LRP1B: variants seen among roughly 807,000 people sequenced by gnomAD.
LRP1B encodes low-density lipoprotein receptor-related protein 1B.
Under a neutral mutation model 556.6 loss-of-function variants are expected in LRP1B, and 217 were observed. The observed-to-expected ratio is 0.39, with a 90% CI of 0.35 to 0.44. The LOEUF (loss-of-function observed/expected upper bound fraction) is 0.44. Ranked by LOEUF, LRP1B falls within the 20% of genes least tolerant of loss-of-function variation. LRP1B has a pLI of 1.00. For missense variants in LRP1B, 5,053 were observed against 5,620.8 expected (o/e 0.90, Z 3.23); for synonymous variants, 2,047 against 1,865.8 (o/e 1.10, Z -2.50).
intron 41 of LRP1B, among the ~76,000 whole-genome samples, chr2:140,613,537 T>G (rs533330312): frequency 6.6e-6 from 1 of 150,876 alleles, no homozygotes; most frequent in Non-Finnish European, 1.5e-5. Flanking sequence ...TATAAGAATC[T>G]TCATGATGAC....
chr2:140,586,492 C>T (rs916394354), intron 43 of LRP1B: 1 of 152,384 alleles, frequency 6.6e-6, no homozygotes, highest in Non-Finnish European at 1.5e-5. Context: ...GGCTTCCACA[C>T]ACCCCTGATG....
intron 66 of LRP1B, among the ~76,000 whole-genome samples, chr2:140,441,513 G>C (rs553785161): frequency 6.6e-6 from 1 of 152,240 alleles, no homozygotes; most frequent in Admixed American, 6.5e-5. Context: ...ATAGTATTAG[G>C]AAAATCACTT....
intron 3 of LRP1B, among the ~76,000 whole-genome samples, chr2:141,453,525 G>A (rs1469008547): frequency 1.3e-5 from 2 of 152,138 alleles, no homozygotes; most frequent in African/African-American, 4.8e-5. Context: ...TTCAGGTAAT[G>A]TTACTAGGTT....
intron 23 of LRP1B, among the ~76,000 whole-genome samples, chr2:140,900,115 C>A (rs1694062346): frequency 6.6e-6 from 1 of 152,162 alleles, no homozygotes; most frequent in African/African-American, 2.4e-5. Flanking sequence ...CCCTACAGTT[C>A]CATTCTGAGC....
chr2:140,721,825 C>G (rs891373994), intron 35 of LRP1B, among the ~76,000 whole-genome samples: 3 of 151,376 alleles, frequency 2.0e-5, no homozygotes, highest in Non-Finnish European at 2.9e-5. Flanking sequence ...TGACATACCG[C>G]AGGAGACTTC....
chr2:140,446,225 G>A (rs1020165993), intron 63 of LRP1B, among the ~76,000 whole-genome samples: 5 of 151,650 alleles, frequency 3.3e-5, no homozygotes, highest in African/African-American at 9.7e-5. Context: ...CTTTGCTTTC[G>A]AAACAACCCT....
At chr2:140,817,207 T>C (rs570810031) in intron 31 of LRP1B, among the ~76,000 whole-genome samples, 5 of 152,230 alleles carry the variant, frequency 3.3e-5, no homozygotes, top group African/African-American at 1.2e-4. Context: ...GTCTGAAGAA[T>C]GTATCAATTG....
At chr2:140,529,517 C>T (rs1690594789) in intron 47 of LRP1B, among the ~76,000 whole-genome samples, 1 of 151,884 alleles carries the variant, frequency 6.6e-6, no homozygotes, top group Non-Finnish European at 1.5e-5. Flanking sequence ...ATTTAATTCA[C>T]CCCTTAGGTT....
intron 3 of LRP1B, among the ~76,000 whole-genome samples, chr2:141,259,334 G>A (rs1684601991): frequency 6.6e-6 from 1 of 152,134 alleles, no homozygotes; most frequent in African/African-American, 2.4e-5. Flanking sequence ...ATATGAGTGT[G>A]GCAGAGAATA....
chr2:140,431,266 G>A (rs1037562506), intron 66 of LRP1B, among the ~76,000 whole-genome samples: 3 of 152,114 alleles, frequency 2.0e-5, no homozygotes, highest in Admixed American at 1.3e-4. Flanking sequence ...AAAAAGGACT[G>A]GACAATACTT....
chr2:141,900,853 A>C (rs1699597860), intron 1 of LRP1B, among the ~76,000 whole-genome samples: 1 of 151,962 alleles, frequency 6.6e-6, no homozygotes, highest in Admixed American at 6.6e-5. Context: ...AAATTATCTA[A>C]ATTTGAGCAC....
intron 1 of LRP1B, among the ~76,000 whole-genome samples, chr2:142,026,664 G>A (rs1482418524): frequency 1.3e-5 from 2 of 152,040 alleles, no homozygotes; most frequent in Admixed American, 6.6e-5. Flanking sequence ...AAAAGTCTGT[G>A]AGGCAGTAAA....
chr2:141,024,713 T>A (rs1698168682), intron 11 of LRP1B, among the ~76,000 whole-genome samples: 1 of 152,028 alleles, frequency 6.6e-6, no homozygotes, highest in Non-Finnish European at 1.5e-5. Context: ...GACACAAGAC[T>A]TGTGGATCAG....
At chr2:141,000,558 G>T (rs1490438587) in intron 15 of LRP1B, among the ~76,000 whole-genome samples, 1 of 151,982 alleles carries the variant, frequency 6.6e-6, no homozygotes, top group Admixed American at 6.6e-5. Flanking sequence ...CTACAGACTA[G>T]GTTAAGGGTC....
At chr2:140,457,714 T>C (rs943645893) in intron 60 of LRP1B, 63 bp from the exon 61 acceptor site, 6 of 1,316,148 alleles carry the variant, frequency 4.6e-6, no homozygotes, top group South Asian at 1.2e-5. Flanking sequence ...AAATATTCAA[T>C]ACTACATGGG....
intron 43 of LRP1B, among the ~76,000 whole-genome samples, chr2:140,546,396 T>G (rs1680340752): frequency 6.6e-6 from 1 of 152,054 alleles, no homozygotes; most frequent in Admixed American, 6.6e-5. Context: ...TACCTGAGAC[T>G]GGGTAACTTA....
intron 29 of LRP1B, among the ~76,000 whole-genome samples, chr2:140,843,059 T>TG: frequency 4.6e-5 from 1 of 21,930 alleles, no homozygotes; most frequent in African/African-American, 1.0e-4. Flanking sequence ...CAAAGTGGTT[T>TG]TTTTTTTGTT....
At chr2:142,078,431 T>C (rs1243722922) in intron 1 of LRP1B, among the ~76,000 whole-genome samples, 5 of 152,168 alleles carry the variant, frequency 3.3e-5, no homozygotes, top group African/African-American at 1.2e-4. Context: ...TTTCTTTTCA[T>C]TGATCAATTG....
chr2:141,085,174 G>A (rs926439010), intron 7 of LRP1B, among the ~76,000 whole-genome samples: 7 of 151,764 alleles, frequency 4.6e-5, no homozygotes, highest in African/African-American at 1.7e-4. Flanking sequence ...CTGTGTTTGT[G>A]TTTATTATAC....
Sources: allele counts gnomAD v4.1 joint callset (sites outside exome capture counted in the v4.1 genomes callset), GRCh38; gene constraint gnomAD v4.1.1; transcripts MANE v1.5; gene names NCBI Gene and HGNC (gene_info 2026-07-23, HGNC 2026-07-21).